FBXO10: variants seen among roughly 807,000 people sequenced by gnomAD.
FBXO10 encodes the protein F-box only protein 10.
In FBXO10, 39 loss-of-function variants were observed where a neutral mutation model predicts 80.7. The ratio of observed to expected loss-of-function variants is 0.48; its 90% CI spans 0.37 to 0.63. The LOEUF (loss-of-function observed/expected upper bound fraction) is 0.63, where lower values mean the gene tolerates loss of function less well. Ranked by LOEUF, FBXO10 falls within the 30% of genes least tolerant of loss-of-function variation. FBXO10 has a pLI of 0.00. For synonymous variants in FBXO10, 449 were observed against 489.6 expected (o/e 0.92, Z 1.09); for missense variants, 1,025 against 1,269.0 (o/e 0.81, Z 2.92).
At chr9:37,545,084 C>T (rs1315666095) in intron 1 of FBXO10, among the ~76,000 whole-genome samples, 1 of 151,564 alleles carries the variant, frequency 6.6e-6, no homozygotes, top group Non-Finnish European at 1.5e-5. Context: ...ATCTGCCACT[C>T]CCCAAGATGG....
rs762410316 is a variant in FBXO10 at position 37,516,062 on chromosome 9, C to T, written c.2538G>A (p.Ser846=). Residue 846 remains serine, a synonymous_variant, in exon 10 of 11, where the codon TCG becomes TCA. Coordinates refer to ENST00000432825, the MANE Select transcript of FBXO10 (RefSeq NM_012166.3). ...DTKVIKNRIH[S]FRAYGIAVRG... Reference sequence around the variant, plus strand: ...GCACGGCGATGCCGTAGGCCCGGAACGAGTGGATCCGGTTCTTTATTACCT... The same window carrying T: ...GCACGGCGATGCCGTAGGCCCGGAATGAGTGGATCCGGTTCTTTATTACCT... 50 of 1,612,478 alleles carry T rather than the reference C, an allele frequency of 3.1e-5. No individual in the cohort carries two copies. Among genetic ancestry groups the T allele is most frequent in the Admixed American group, 1.9e-4 (11 of 59,444 alleles).
intron 1 of FBXO10, among the ~76,000 whole-genome samples, chr9:37,558,807 G>T (rs1009690454): frequency 5.0e-5 from 7 of 140,778 alleles, no homozygotes; most frequent in Non-Finnish European, 9.3e-5. Context: ...CAAGAAGAAA[G>T]AAAATCTTTT....
In FBXO10 at chr9:37,512,619, C is replaced by T. The variant is rs138366871; in HGVS notation, c.2799G>A (p.Met933Ile). 1.2e-6 allele frequency: 2 copies of T among 1,614,048 alleles called. No individual in the cohort carries two copies. The highest frequency in any genetic ancestry group is 1.7e-5 in the Admixed American group (1 of 60,030). ...AAHNGQKVTA[M>I]ATRITARVEG... The stretch of plus-strand genomic sequence containing the variant: ...CCACCCGGGCTGTGATCCTCGTTGC[C>T]ATGGCTGTCACCTTCTGCCCATTGT... The change falls in exon 11 of 11, where the codon ATG (methionine) becomes ATA (isoleucine). Residue 933 changes from methionine (M) to isoleucine (I), a missense_variant. Transcript: ENST00000432825.
rs1489048446 is a variant in FBXO10, at chr9:37,548,916, T to C, written c.-6-7142A>G. ...GGCGCCCGCCACCACGCCCTGCTCA[T>C]TTTTTGTAATTTTAGTACAGACGGG... On this transcript the variant is annotated intron_variant, in intron 1 of 10. Coordinates refer to ENST00000432825, the MANE Select transcript of FBXO10 (RefSeq NM_012166.3). Among the ~76,000 whole-genome samples the C allele has an allele frequency of 5.3e-5, 8 of 152,238 alleles. No individual in the cohort carries two copies. In the South Asian group the frequency reaches 6.2e-4, roughly 12 times the overall value.
chr9:37,532,012 A>T lies in FBXO10; in HGVS notation c.1466T>A (p.Ile489Asn). The T allele has an allele frequency of 6.2e-7, 1 of 1,613,986 alleles. No individual in the cohort carries two copies. The highest frequency in any genetic ancestry group is 8.5e-7 in the Non-Finnish European group (1 of 1,179,856). The change falls in exon 4 of 11, where the codon ATC becomes AAC. Residue 489 changes from isoleucine to asparagine, a missense_variant. By Grantham distance (149) the Ile-to-Asn change is moderately radical (BLOSUM62 -3). Transcript: ENST00000432825. Reference protein sequence around the residue: ...NDIYRCRASGIFLRLEGGGLI... With the variant: ...NDIYRCRASGNFLRLEGGGLI... Reference sequence around the variant, plus strand: ...GCCACCGCCCTCCAAGCGAAGAAAGATGCCTGACGCTCGGCAGCGGTAAAT... The same window carrying T: ...GCCACCGCCCTCCAAGCGAAGAAAGTTGCCTGACGCTCGGCAGCGGTAAAT...
intron 10 of FBXO10, chr9:37,515,639 G>A (rs1410816730): frequency 2.8e-6 from 1 of 356,978 alleles, no homozygotes; most frequent in Non-Finnish European, 5.0e-6. Flanking sequence ...TGTGAAGTAA[G>A]TTGCCCAAGG....
chr9:37,519,475 C>T (rs938606371), intron 8 of FBXO10, among the ~76,000 whole-genome samples: 35 of 141,668 alleles, frequency 2.5e-4, no homozygotes, highest in Admixed American at 7.1e-4. Flanking sequence ...TGCCCACCAA[C>T]AGCAACAAGG....
chr9:37,521,286 A>G (rs557893549), intron 8 of FBXO10, among the ~76,000 whole-genome samples: 13 of 149,240 alleles, frequency 8.7e-5, no homozygotes, highest in South Asian at 4.2e-4. Context: ...AGTGAGGAGC[A>G]CCTCTCCCTG....
chr9:37,544,342 A>G (rs1821998275), intron 1 of FBXO10, among the ~76,000 whole-genome samples: 1 of 152,166 alleles, frequency 6.6e-6, no homozygotes, highest in Non-Finnish European at 1.5e-5. Context: ...CTGAGGCAGG[A>G]GAATCATTTG....
intron 1 of FBXO10, among the ~76,000 whole-genome samples, chr9:37,566,014 G>A (rs1822595595): frequency 2.0e-5 from 3 of 152,150 alleles, no homozygotes; most frequent in African/African-American, 7.2e-5. Flanking sequence ...AGTTCACATG[G>A]AACACCCTTA....
At chr9:37,527,703 T>A (rs73439463) in intron 5 of FBXO10, among the ~76,000 whole-genome samples, 12 of 152,172 alleles carry the variant, frequency 7.9e-5, no homozygotes, top group Admixed American at 7.9e-4. Flanking sequence ...GTCAACTCCA[T>A]GGGGCAGGCA....
At chr9:37,542,687 TGACCTTTAAAAAGAG>T (rs1405982201) in intron 1 of FBXO10, among the ~76,000 whole-genome samples, 1 of 151,480 alleles carries the variant, frequency 6.6e-6, no homozygotes, top group Non-Finnish European at 1.5e-5. Flanking sequence ...AACAGAAAGA[TGACCTTTAAAAAGAG>T]GAAGAAAACA....
At chr9:37,560,597 G>A (rs1179198924) in intron 1 of FBXO10, among the ~76,000 whole-genome samples, 4 of 151,918 alleles carry the variant, frequency 2.6e-5, no homozygotes, top group Non-Finnish European at 5.9e-5. Flanking sequence ...GGAGATTCAT[G>A]AAACAACAGG....
chr9:37,570,453 C>T (rs886313686), intron 1 of FBXO10, among the ~76,000 whole-genome samples: 3 of 151,922 alleles, frequency 2.0e-5, no homozygotes, highest in African/African-American at 7.3e-5. Flanking sequence ...TGAAACTAAA[C>T]ATCAATTTCA....
At position 37,537,167 on chromosome 9, in the gene FBXO10, C is replaced by A. The variant is rs1198351388; in HGVS notation, c.1362G>T (p.Met454Ile). 1 of 1,613,916 alleles carries A rather than the reference C, an allele frequency of 6.2e-7. No individual in the cohort carries two copies. Among genetic ancestry groups the A allele is most frequent in the Non-Finnish European group, 8.5e-7 (1 of 1,179,892 alleles). ...VFVCSHGRAK[M>I]EGNIFRNLTY... Reference sequence around the variant, plus strand: ...TCAGGTTCCGGAAGATGTTTCCTTCCATCTTGGCTCTGCCGTGGGAGCAGA... The same window carrying A: ...TCAGGTTCCGGAAGATGTTTCCTTCAATCTTGGCTCTGCCGTGGGAGCAGA... The change falls in exon 3 of 11, where the codon ATG becomes ATT. Residue 454 changes from methionine to isoleucine, a missense_variant. Met to Ile is a conservative substitution (Grantham distance 10). Around this residue, in one of 3 missense-constraint regions of FBXO10, gnomAD observed 478 missense variants for 667.8 expected, o/e 0.72. Coordinates refer to ENST00000432825, the MANE Select transcript of FBXO10 (RefSeq NM_012166.3).
intron 10 of FBXO10, chr9:37,514,914 T>C (rs569066092): frequency 1.3e-5 from 2 of 152,256 alleles, no homozygotes; most frequent in African/African-American, 4.8e-5. Flanking sequence ...GTGTGTGTAA[T>C]ACAAAAAGTA....
intron 1 of FBXO10, among the ~76,000 whole-genome samples, chr9:37,572,655 C>CA (rs1156492660): frequency 4.0e-5 from 6 of 151,674 alleles, no homozygotes; most frequent in Non-Finnish European, 7.4e-5. Context: ...CAAAGAAAAG[C>CA]AAAAAAATGA....
In FBXO10 at chr9:37,521,792, A is replaced by G. The variant is rs755643216; in HGVS notation, c.1977T>C (p.His659=). The part of the protein sequence containing the change: ...GVWMMSSSLP[H]VTSNHVSYNG... Reference sequence around the variant, plus strand: ...TGTAGCTGACGTGGTTGCTGGTGACATGGGGGAGGCTGGACGACATCATCC... The same window carrying G: ...TGTAGCTGACGTGGTTGCTGGTGACGTGGGGGAGGCTGGACGACATCATCC... The change falls in exon 8 of 11, where the codon CAT becomes CAC. Residue 659 remains histidine (H), a synonymous_variant. Coordinates refer to ENST00000432825, the MANE Select transcript of FBXO10 (RefSeq NM_012166.3). 23 of 1,607,304 alleles carry G rather than the reference A, an allele frequency of 1.4e-5. No homozygotes were observed. The South Asian group carries it at 2.1e-4, about 15-fold the overall frequency.
chr9:37,537,590 G>T lies in FBXO10; in HGVS notation c.939C>A (p.Ile313=), dbSNP rs766087542. 1 of 1,613,872 alleles carries T rather than the reference G, an allele frequency of 6.2e-7. No individual in the cohort carries two copies. The highest frequency in any genetic ancestry group is 8.5e-7 in the Non-Finnish European group (1 of 1,179,850). The change falls in exon 3 of 11, where the codon ATC becomes ATA. Residue 313 remains isoleucine (I), a synonymous_variant. Coordinates refer to ENST00000432825, the MANE Select transcript of FBXO10 (RefSeq NM_012166.3). ...GGCTGGTAGGGCTCTGGCTGCCCTC[G>T]ATAACAATGTCACAGGTCTTTGGGC... ...AWSPKTCDIV[I]EGSQSPTSPA...
Sources: allele counts gnomAD v4.1 joint callset (sites outside exome capture counted in the v4.1 genomes callset), GRCh38; gene constraint gnomAD v4.1.1; regional missense constraint gnomAD v4.1.1; transcripts MANE v1.5; gene names NCBI Gene and HGNC (gene_info 2026-07-23, HGNC 2026-07-21).